Variants in GART observed in about 807,000 individuals in gnomAD.
The protein encoded by GART is trifunctional purine biosynthetic protein adenosine-3.
Under a neutral mutation model 107.2 loss-of-function variants are expected in GART, and 43 were observed. The observed-to-expected ratio is 0.40, with a 90% CI of 0.31 to 0.52. The LOEUF is 0.52. GART is among the 20% of genes least tolerant of loss of function. The probability of loss-of-function intolerance (pLI) is 0.52; values close to 1 mark genes in which losing one functional copy is unlikely to be tolerated. For synonymous variants in GART, 434 were observed against 427.0 expected (o/e 1.02, Z -0.20); for missense variants, 1,107 against 1,206.5 (o/e 0.92, Z 1.22).
chr21:33,530,987 A>T, intron 6 of GART, 103 bp from the exon 7 acceptor site: 1 of 1,122,878 alleles, frequency 8.9e-7, no homozygotes, highest in Non-Finnish European at 1.2e-6. Context: ...TTTGAGGAAA[A>T]GTTTGTTTTT....
Position 33,528,238 on chromosome 21 carries a change from T to C in GART, c.995A>G (p.His332Arg). ...TGCCATGACAACAGTTAGGGCGGTGTGGTTTTCTAGCCAAACAGGCAGAGA... is the reference window on the plus strand; with the variant it reads ...TGCCATGACAACAGTTAGGGCGGTGCGGTTTTCTAGCCAAACAGGCAGAGA... Reference protein sequence around the residue: ...CTSLPVWLENHTALTVVMASK... With the variant: ...CTSLPVWLENRTALTVVMASK... The change falls in exon 10 of 22, where the codon CAC (histidine) becomes CGC (arginine). Residue 332 changes from histidine to arginine, a missense_variant. By Grantham distance (29) the His-to-Arg change is conservative (BLOSUM62 0). Transcript: ENST00000381815. 1.2e-6 allele frequency: 2 copies of C among 1,614,062 alleles called. No individual in the cohort carries two copies. Among genetic ancestry groups the C allele is most frequent in the Non-Finnish European group, 1.7e-6 (2 of 1,180,006 alleles).
At chr21:33,508,524 T>C (rs2084725549) in intron 18 of GART, among the ~76,000 whole-genome samples, 1 of 147,102 alleles carries the variant, frequency 6.8e-6, no homozygotes, top group Non-Finnish European at 1.5e-5. Context: ...TCTTTTTTTT[T>C]TTTTTTTTTT....
intron 5 of GART, chr21:33,532,143 T>C (rs990873144): frequency 1.5e-5 from 8 of 531,758 alleles, no homozygotes; most frequent in Non-Finnish European, 2.7e-5. Context: ...TACTTCAAAA[T>C]AATACAATCA....
intron 13 of GART, 66 bp downstream of exon 13, chr21:33,520,840 T>C (rs2084959960): frequency 1.7e-6 from 2 of 1,202,890 alleles, no homozygotes; most frequent in Middle Eastern, 2.0e-4. Context: ...AGAAGAAAAA[T>C]ACATATTTGA....
rs2145745140 is a variant in GART, at chr21:33,531,288, A to C, written c.597+201T>G. 3 of 559,356 alleles carry C rather than the reference A, an allele frequency of 5.4e-6. No homozygotes were observed. In the East Asian group the frequency reaches 8.3e-5, roughly 16 times the overall value. 34.6% of individuals were successfully genotyped at this position (559,356 alleles called of 1,614,324 possible). On this transcript the variant is annotated intron_variant, in intron 6 of 21. Coordinates refer to ENST00000381815, the MANE Select transcript of GART (RefSeq NM_000819.5). ...GTGTGTAAGTCCAAGTGCCCCCACT[A>C]ACACACTAGGGATGACTAACAGAGG...
chr21:33,522,771 A>G (rs974961250), intron 11 of GART, among the ~76,000 whole-genome samples: 7 of 152,174 alleles, frequency 4.6e-5, no homozygotes, highest in Admixed American at 4.6e-4. Flanking sequence ...TCCCAGTTAA[A>G]TAACTCCCCA....
intron 4 of GART, among the ~76,000 whole-genome samples, chr21:33,533,256 A>G (rs1380323052): frequency 6.6e-6 from 1 of 151,554 alleles, no homozygotes; most frequent in South Asian, 2.1e-4. Context: ...TGGCTAACAC[A>G]GTGAAACCCC....
At chr21:33,539,632 G>A (rs189844448) in intron 1 of GART, among the ~76,000 whole-genome samples, 4 of 151,782 alleles carry the variant, frequency 2.6e-5, no homozygotes, top group Admixed American at 1.3e-4. Flanking sequence ...GGAGGAGATC[G>A]CAGTGAGCCA....
rs773106095 is a variant in GART at position 33,517,607 on chromosome 21, T to A, written c.1704A>T (p.Gly568=). 51 of 1,614,020 alleles carry A rather than the reference T, an allele frequency of 3.2e-5. No individual in the cohort carries two copies. The highest frequency in any genetic ancestry group is 3.6e-5 in the Non-Finnish European group (42 of 1,179,990). Residue 568 remains glycine (G), a splice_region_variant and synonymous_variant, in exon 15 of 22, where the codon GGA becomes GGT. Transcript: ENST00000381815. ...ACGKAGCALL[G]GETAEMPDMY... ...TGTCAGGCATTTCTGCTGTTTCACC[T>A]CCTGGTGGGATAAGACAAGAACAAA...
At chr21:33,512,221 T>C (rs866077804) in intron 16 of GART, among the ~76,000 whole-genome samples, 1 of 145,488 alleles carries the variant, frequency 6.9e-6, no homozygotes, top group Non-Finnish European at 1.5e-5. Context: ...GAGGTGGAGG[T>C]TGCAGTGGGC....
At chr21:33,520,806 C>T (rs2084959332) in intron 13 of GART, 100 bp downstream of exon 13, 1 of 897,792 alleles carries the variant, frequency 1.1e-6, no homozygotes, top group African/African-American at 1.7e-5. Flanking sequence ...TTGGCATGGT[C>T]CTTTTTAGCT....
chr21:33,542,210 C>T, upstream of GART: 1 of 152,290 alleles, frequency 6.6e-6, no homozygotes, highest in East Asian at 1.9e-4. Context: ...GGCCCTGGGT[C>T]TCCGCGGCGA....
In GART at chr21:33,504,286, C is replaced by G. The variant is rs777554906; in HGVS notation, c.2871G>C (p.Leu957Phe). ...AEDVDAGQII[L>F]QEAVPVKRGD... is the part of the protein sequence containing the mutation. ...CCCTCTTCACGGGAACAGCTTCTTG[C>G]AAAATAATCTGTCCAGCATCCACAT... The change falls in exon 22 of 22, where the codon TTG becomes TTC. Residue 957 changes from leucine to phenylalanine, a missense_variant. Coordinates refer to ENST00000381815, the MANE Select transcript of GART (RefSeq NM_000819.5). 1 of 1,614,142 alleles carries G rather than the reference C, an allele frequency of 6.2e-7. No individual in the cohort carries two copies. The highest frequency in any genetic ancestry group is 8.5e-7 in the Non-Finnish European group (1 of 1,180,016).
In GART at chr21:33,509,580, A is replaced by T. The variant is rs906739543; in HGVS notation, c.2452+203T>A. Reference sequence around the variant, plus strand: ...GTTTCTCTTTAACCAGCTTTCTGACATCCTTTACTTTTTTCTTTGGGAGCT... The same window carrying T: ...GTTTCTCTTTAACCAGCTTTCTGACTTCCTTTACTTTTTTCTTTGGGAGCT... On this transcript the variant is annotated intron_variant, in intron 18 of 21. Transcript: ENST00000381815. 7 of 420,766 alleles carry T rather than the reference A, an allele frequency of 1.7e-5. No individual in the cohort carries two copies. In the South Asian group the frequency reaches 4.4e-4, roughly 27 times the overall value. 26.1% of individuals were successfully genotyped at this position (420,766 alleles called of 1,614,324 possible). A position where few individuals can be genotyped will look rare whatever the true frequency, so the allele number is the denominator to read the frequency against.
At chr21:33,524,445 G>T in intron 11 of GART, 3 of 601,476 alleles carry the variant, frequency 5.0e-6, no homozygotes, top group Non-Finnish European at 4.2e-6. Flanking sequence ...CAGCTATTTG[G>T]GAGGCTGAGG....
In GART at chr21:33,505,715, A is replaced by C. The variant is rs765415890; in HGVS notation, c.2584-13T>G. ...TATGATTAATTACCTGTAATAGAAAAAGATAAGCACAACCCTTTTCAATGA... is the reference window on the plus strand; with the variant it reads ...TATGATTAATTACCTGTAATAGAAACAGATAAGCACAACCCTTTTCAATGA... On this transcript the variant is annotated splice_polypyrimidine_tract_variant and intron_variant, in intron 19 of 21. Transcript: ENST00000381815. The C allele has an allele frequency of 6.3e-7, 1 of 1,582,204 alleles. No homozygotes were observed. The highest frequency in any genetic ancestry group is 1.2e-5 in the South Asian group (1 of 85,764).
intron 12 of GART, among the ~76,000 whole-genome samples, chr21:33,521,876 T>C (rs2084979090): frequency 1.4e-5 from 2 of 148,056 alleles, no homozygotes; most frequent in Admixed American, 1.4e-4. Context: ...GGAGAATCGC[T>C]TGAAATCAGG....
In GART at chr21:33,524,306, T is replaced by G. The variant is rs2085027264; in HGVS notation, c.1298+463A>C. On this transcript the variant is annotated intron_variant, in intron 11 of 21. Coordinates refer to ENST00000381815, the MANE Select transcript of GART (RefSeq NM_000819.5). ...GGCTCATGCCTATAATCCCAGCATTTTGGGAGGCCAAAGCAGGAGGATCAC... is the reference window on the plus strand; with the variant it reads ...GGCTCATGCCTATAATCCCAGCATTGTGGGAGGCCAAAGCAGGAGGATCAC... The G allele has an allele frequency of 8.2e-6, 8 of 972,772 alleles. No individual in the cohort carries two copies. The South Asian group carries it at 2.8e-4, about 35-fold the overall frequency. 60.3% of individuals were successfully genotyped at this position (972,772 alleles called of 1,614,324 possible).
At position 33,505,973 on chromosome 21, in the gene GART, C is replaced by T; in HGVS notation, c.2583+1G>A. On this transcript the variant is annotated splice_donor_variant, in intron 19 of 21. Transcript: ENST00000381815. LOFTEE classifies it high-confidence loss of function. ...CAAAGATATTTTCCCAAGTAACTTA[C>T]TCTAGTGGGAATACCAGCTCTTTCC... The T allele has an allele frequency of 6.2e-7, 1 of 1,613,966 alleles. No homozygotes were observed. The highest frequency in any genetic ancestry group is 8.5e-7 in the Non-Finnish European group (1 of 1,179,970).
Sources: gnomAD v4.1 joint callset for allele counts (sites outside exome capture counted in the v4.1 genomes callset) on GRCh38, gnomAD v4.1.1 for gene constraint, MANE v1.5 for transcripts, NCBI Gene and HGNC (gene_info 2026-07-23, HGNC 2026-07-21) for gene names.